Variants in PHACTR1 observed in about 807,000 individuals in gnomAD.
PHACTR1 encodes RPEL repeat containing 1.
In PHACTR1, 16 loss-of-function variants were observed where a neutral mutation model predicts 69.2. The ratio of observed to expected loss-of-function variants is 0.23; its 90% CI spans 0.16 to 0.35. PHACTR1 has a LOEUF of 0.35. Ranked by LOEUF, PHACTR1 falls within the 10% of genes least tolerant of loss-of-function variation. PHACTR1 has a pLI of 1.00. For synonymous variants in PHACTR1, 312 were observed against 284.5 expected, an observed-to-expected ratio of 1.10 and a Z score of -0.97; for missense variants, 510 against 734.7, an observed-to-expected ratio of 0.69 and a Z score of 3.54.
At chr6:13,268,603 G>T (rs1223394) in intron 10 of PHACTR1, among the ~76,000 whole-genome samples, 1 of 152,212 alleles carries the variant, frequency 6.6e-6, no homozygotes, top group African/African-American at 2.4e-5. Flanking sequence ...TTTATGATTT[G>T]CAGAGAAAAG....
chr6:13,110,229 T>C (rs530757340), intron 5 of PHACTR1, among the ~76,000 whole-genome samples: 41 of 152,280 alleles, frequency 2.7e-4, no homozygotes, highest in Middle Eastern at 3.4e-3. Flanking sequence ...AGCATTTATT[T>C]TAGTTCTGTA....
chr6:13,213,909 A>G (rs1367674348), intron 8 of PHACTR1: 2 of 152,244 alleles, frequency 1.3e-5, no homozygotes, highest in Admixed American at 1.3e-4. Context: ...AATCTGCCAT[A>G]GTACCTGTCA....
intron 4 of PHACTR1, among the ~76,000 whole-genome samples, chr6:12,758,422 C>T (rs2327616): frequency 0.42 from 62,188 of 146,560 alleles, 15,166 homozygotes; most frequent in African/African-American, 0.68. Context: ...GCAGAGACCA[C>T]GCCATTGCCC....
rs1040814308 is a variant in PHACTR1 at position 13,272,654 on chromosome 6, G to A, written c.1392-206G>A. 71 of 1,452,988 alleles carry A rather than the reference G, an allele frequency of 4.9e-5. 1 individual carries two copies. The highest frequency in any genetic ancestry group is 7.5e-5 in the East Asian group (3 of 39,814). The allele number at this position is 1,452,988 out of a possible 1,614,324, so 90.0% of individuals were successfully genotyped here. A position where few individuals can be genotyped will look rare whatever the true frequency, so the allele number is the denominator to read the frequency against. On this transcript the variant is annotated intron_variant, in intron 10 of 14. Coordinates refer to ENST00000332995, the MANE Select transcript of PHACTR1 (RefSeq NM_030948.6). ...TGCAGGGAGGAGGGCGGGGGTCAGC[G>A]GCTGTGACATGACGCACGTGCCTCT...
intron 4 of PHACTR1, among the ~76,000 whole-genome samples, chr6:12,979,522 A>G (rs1795258531): frequency 6.6e-6 from 1 of 151,896 alleles, no homozygotes; most frequent in South Asian, 2.1e-4. Context: ...AAGAGATCCT[A>G]CTCTCATCCA....
chr6:13,072,269 A>G (rs760856642), intron 5 of PHACTR1, among the ~76,000 whole-genome samples: 46 of 152,218 alleles, frequency 3.0e-4, no homozygotes, highest in Non-Finnish European at 5.0e-4. Flanking sequence ...TACATTAATT[A>G]AATGCCTTTA....
chr6:13,022,197 C>T, intron 4 of PHACTR1, among the ~76,000 whole-genome samples: 1 of 152,208 alleles, frequency 6.6e-6, no homozygotes. Flanking sequence ...CCAAAGCAAA[C>T]CGTCAATTCA....
chr6:13,011,274 G>A (rs1799419983), intron 4 of PHACTR1, among the ~76,000 whole-genome samples: 2 of 151,736 alleles, frequency 1.3e-5, no homozygotes, highest in African/African-American at 4.8e-5. Flanking sequence ...GTGCAACTGA[G>A]GAAATGAATT....
At position 13,163,441 on chromosome 6, in the gene PHACTR1, A is replaced by G. The variant is rs529412084; in HGVS notation, c.496+3157A>G. ...ACTAGCACATAAACTGTAGGAGAGC[A>G]GGGGCCTCAGAGGCTGCGATTCCCC... On this transcript the variant is annotated intron_variant, in intron 6 of 14. Coordinates refer to ENST00000332995, the MANE Select transcript of PHACTR1 (RefSeq NM_030948.6). 4.8e-4 allele frequency among the ~76,000 whole-genome samples: 73 copies of G among 152,306 alleles called. No individual in the cohort carries two copies. In the South Asian group the frequency reaches 7.3e-3, roughly 15 times the overall value.
At chr6:12,728,216 G>T (rs980777523) in intron 3 of PHACTR1, among the ~76,000 whole-genome samples, 2 of 152,106 alleles carry the variant, frequency 1.3e-5, no homozygotes, top group Admixed American at 1.3e-4. Flanking sequence ...CTACTCAGGA[G>T]GCTGAGGCGG....
chr6:13,273,613 C>T (rs1411200975), intron 11 of PHACTR1: 1 of 151,166 alleles, frequency 6.6e-6, no homozygotes, highest in African/African-American at 2.4e-5. Flanking sequence ...AAAGAGAAAA[C>T]AGGATACAAA....
At chr6:13,252,225 A>AG (rs1491589364) in intron 10 of PHACTR1, among the ~76,000 whole-genome samples, 1 of 148,148 alleles carries the variant, frequency 6.8e-6, no homozygotes, top group Non-Finnish European at 1.5e-5. Context: ...AAAAAAAAAA[A>AG]TAGAAAAAAA....
At chr6:13,177,636 T>C (rs904657170) in intron 6 of PHACTR1, among the ~76,000 whole-genome samples, 3 of 152,186 alleles carry the variant, frequency 2.0e-5, no homozygotes, top group African/African-American at 7.2e-5. Flanking sequence ...GAAGTTGATA[T>C]TGATCACCCC....
chr6:12,883,129 AT>A (rs1449406050), intron 4 of PHACTR1, among the ~76,000 whole-genome samples: 1 of 152,016 alleles, frequency 6.6e-6, no homozygotes, highest in Non-Finnish European at 1.5e-5. Context: ...TGACAAGAGG[AT>A]CCCCCCACCC....
intron 5 of PHACTR1, among the ~76,000 whole-genome samples, chr6:13,083,326 C>A (rs1212667945): frequency 2.0e-5 from 3 of 152,090 alleles, no homozygotes; most frequent in Non-Finnish European, 4.4e-5. Flanking sequence ...GTACCAGTAC[C>A]ATGCTGTTTT....
At chr6:13,106,007 G>A (rs942522155) in intron 5 of PHACTR1, among the ~76,000 whole-genome samples, 5 of 152,144 alleles carry the variant, frequency 3.3e-5, no homozygotes, top group African/African-American at 1.2e-4. Flanking sequence ...TATAGTGTCT[G>A]GTGCAGCATT....
chr6:12,776,743 C>A (rs537831221), intron 4 of PHACTR1, among the ~76,000 whole-genome samples: 63 of 152,220 alleles, frequency 4.1e-4, no homozygotes, highest in Non-Finnish European at 7.6e-4. Flanking sequence ...ATATAAGAAA[C>A]CTCAAGTACT....
intron 4 of PHACTR1, among the ~76,000 whole-genome samples, chr6:12,909,178 A>G (rs1296149296): frequency 6.6e-6 from 1 of 152,154 alleles, no homozygotes; most frequent in East Asian, 1.9e-4. Flanking sequence ...AAAGACTCCA[A>G]CTTTTTCAGT....
chr6:13,190,198 A>ATTTTTGTTTTTTTTTTTTT (rs1763359136), intron 7 of PHACTR1, among the ~76,000 whole-genome samples: 1 of 87,266 alleles, frequency 1.1e-5, no homozygotes, highest in East Asian at 3.7e-4. Context: ...TAATTTTTGT[A>ATTTTTGTTTTTTTTTTTTT]TTTTTTTTTT....
Sources: allele counts gnomAD v4.1 joint callset (sites outside exome capture counted in the v4.1 genomes callset), GRCh38; gene constraint gnomAD v4.1.1; transcripts MANE v1.5; gene names NCBI Gene and HGNC (gene_info 2026-07-23, HGNC 2026-07-21).